Variants in TRMT44 observed in about 807,000 individuals in gnomAD.
TRMT44 encodes the protein tRNA methyltransferase 44 homolog, also known as probable tRNA (uracil-O(2)-)-methyltransferase.
Under a neutral mutation model 77.3 loss-of-function variants are expected in TRMT44, and 78 were observed. That is an observed-to-expected ratio of 1.01 (90% CI 0.84 to 1.22). The LOEUF is 1.22. Ranked by LOEUF, TRMT44 falls within the 50% of genes most tolerant of loss-of-function variation. TRMT44 has a pLI of 0.00. For missense variants in TRMT44, 1,090 were observed against 964.4 expected, an observed-to-expected ratio of 1.13 and a Z score of -1.73; for synonymous variants, 391 against 383.3, an observed-to-expected ratio of 1.02 and a Z score of -0.23.
intron 6 of TRMT44, among the ~76,000 whole-genome samples, chr4:8,459,959 G>C (rs993653889): frequency 2.6e-5 from 4 of 152,186 alleles, no homozygotes; most frequent in Non-Finnish European, 5.9e-5. Context: ...GCTGGGCCAG[G>C]GTGGGCTACA....
In TRMT44 at chr4:8,465,499, G is replaced by T. The variant is rs552465552; in HGVS notation, c.1432G>T (p.Val478Leu). 7 of 1,614,186 alleles carry T rather than the reference G, an allele frequency of 4.3e-6. No homozygotes were observed. In the South Asian group the frequency reaches 6.6e-5, roughly 15 times the overall value. ...YREYLDFIKE[V>L]GFTCGFHVDE... ...GGAATACCTTGACTTCATTAAAGAA[G>T]TGGGCTTCACCTGTGGGTTTCACGT... The change falls in exon 8 of 11, where the codon GTG becomes TTG. Residue 478 changes from valine to leucine, a missense_variant. By Grantham distance (32) the Val-to-Leu change is conservative (BLOSUM62 1). Transcript: ENST00000389737.
At chr4:8,465,629 C>T in intron 8 of TRMT44, 68 bp downstream of exon 8, 1 of 1,345,946 alleles carries the variant, frequency 7.4e-7, no homozygotes, top group Middle Eastern at 1.9e-4. Flanking sequence ...AGGGCTCTGC[C>T]ACAGAGCCAT....
Position 8,464,871 on chromosome 4 carries a change from A to G in TRMT44, c.1311-507A>G, listed in dbSNP as rs116080504. ...AATTCATCTTTTAATATGAAAAACA[A>G]TATTACACAGCCACAAAGAAAAGGA... On this transcript the variant is annotated intron_variant, in intron 7 of 10. Transcript: ENST00000389737. Among the ~76,000 whole-genome samples, 1,052 of 152,350 alleles carry G rather than the reference A, an allele frequency of 6.9e-3. 15 individuals carry two copies. The highest frequency in any genetic ancestry group is 0.024 in the African/African-American group (1,000 of 41,572).
intron 10 of TRMT44, among the ~76,000 whole-genome samples, 174 bp downstream of exon 10, chr4:8,471,374 C>T (rs1483402546): frequency 6.6e-6 from 1 of 152,186 alleles, no homozygotes; most frequent in Non-Finnish European, 1.5e-5. Context: ...CAGGGTGGGA[C>T]GTGGGTCACC....
the TRMT44 span, among the ~76,000 whole-genome samples, chr4:8,499,356 A>G: frequency 6.6e-6 from 1 of 152,112 alleles, no homozygotes; most frequent in Non-Finnish European, 1.5e-5. Flanking sequence ...AGAAAATGCA[A>G]TGCTGCCAAA....
At chr4:8,459,160 C>G (rs1054197267) in intron 6 of TRMT44, among the ~76,000 whole-genome samples, 1 of 152,194 alleles carries the variant, frequency 6.6e-6, no homozygotes, top group Non-Finnish European at 1.5e-5. Flanking sequence ...CAAGATTGTG[C>G]CACTGCACAC....
downstream of TRMT44, chr4:8,478,235 A>T (rs1171654833): frequency 6.6e-6 from 1 of 152,614 alleles, no homozygotes; most frequent in Admixed American, 6.5e-5. Flanking sequence ...GCTCCCCAAC[A>T]CTTGTTACGG....
chr4:8,468,575 A>G lies in TRMT44; in HGVS notation c.1927+229A>G, dbSNP rs926872438. 1.2e-5 allele frequency: 7 copies of G among 597,692 alleles called. No individual in the cohort carries two copies. In the Admixed American group the frequency reaches 2.1e-4, roughly 18 times the overall value. The allele number at this position is 597,692 out of a possible 1,614,324, so 37.0% of individuals were successfully genotyped here. A position where few individuals can be genotyped will look rare whatever the true frequency, so the allele number is the denominator to read the frequency against. On this transcript the variant is annotated intron_variant, in intron 9 of 10. Transcript: ENST00000389737. ...ATTTCCAGGGAGTGACAGAGTTTGG[A>G]CCCTTAATTAACTTTTACCAAACAT...
chr4:8,479,972 C>T (rs1431930011), downstream of TRMT44, among the ~76,000 whole-genome samples: 1 of 152,098 alleles, frequency 6.6e-6, no homozygotes, highest in Non-Finnish European at 1.5e-5. Context: ...GCCTCAGCCT[C>T]CCGGGCTTAA....
Position 8,476,059 on chromosome 4 carries a change from C to T in TRMT44, c.*58C>T, listed in dbSNP as rs1727365625. On this transcript the variant is annotated 3_prime_UTR_variant, in exon 11 of 11. Transcript: ENST00000389737. ...GAGGCCAAACCAAGGAGAGCTTCCC[C>T]AGCAGTCGTCAGTGCTGTGGTCTCT... The T allele has an allele frequency of 3.3e-6, 5 of 1,507,664 alleles. No individual in the cohort carries two copies. Among genetic ancestry groups the T allele is most frequent in the South Asian group, 2.4e-5 (2 of 83,994 alleles). The allele number at this position is 1,507,664 out of a possible 1,614,324, so 93.4% of individuals were successfully genotyped here.
At chr4:8,491,895 C>T (rs546216525) in intron 2 of TRMT44, among the ~76,000 whole-genome samples, 69 of 152,368 alleles carry the variant, frequency 4.5e-4, no homozygotes, top group African/African-American at 1.6e-3. Context: ...TCAAGTGCCG[C>T]CAAAGTGGGA....
At chr4:8,448,661 A>G (rs548264052) in intron 2 of TRMT44, among the ~76,000 whole-genome samples, 194 of 152,356 alleles carry the variant, frequency 1.3e-3, no homozygotes, top group African/African-American at 4.6e-3. Context: ...AGTCCCGAGC[A>G]GGGAGCTGGG....
the TRMT44 span, among the ~76,000 whole-genome samples, chr4:8,499,539 CG>C: frequency 3.2e-5 from 2 of 61,642 alleles, no homozygotes; most frequent in African/African-American, 6.5e-5. Flanking sequence ...GGGGTGAGGT[CG>C]TGTGTGTTGG....
intron 2 of TRMT44, among the ~76,000 whole-genome samples, chr4:8,492,745 C>T (rs1728045991): frequency 2.6e-5 from 4 of 152,246 alleles, no homozygotes. Context: ...TCTCTGCCTG[C>T]CTCCTTTGGA....
downstream of TRMT44, chr4:8,493,637 C>A (rs1468626940): frequency 6.6e-6 from 1 of 152,172 alleles, no homozygotes; most frequent in Admixed American, 6.6e-5. Context: ...GGCATTCACT[C>A]CTCTGTCTGG....
chr4:8,495,153 C>A (rs1189916206), downstream of TRMT44, among the ~76,000 whole-genome samples: 1 of 152,212 alleles, frequency 6.6e-6, no homozygotes, highest in Non-Finnish European at 1.5e-5. Flanking sequence ...GGTAGGGAGA[C>A]TGTTCACACC....
rs567722945 is a variant in TRMT44, at chr4:8,474,502, G to A, written c.2045-1270G>A. Among the ~76,000 whole-genome samples, 36 of 152,358 alleles carry A rather than the reference G, an allele frequency of 2.4e-4. 1 individual carries two copies. The South Asian group carries it at 6.0e-3, about 25-fold the overall frequency. On this transcript the variant is annotated intron_variant, in intron 10 of 10. Transcript: ENST00000389737. ...AGGGTGAGCCCCCAACTGTGGCGCC[G>A]TTCTCTGGGCTCATTTCTCTAGTTT...
rs544897859 is a variant in TRMT44, at chr4:8,487,631, C to T, written n.3892-5635C>T. On this transcript the variant is annotated intron_variant and non_coding_transcript_variant, in intron 2 of 2. Coordinates refer to the TRMT44 transcript ENST00000511366. ...GGGGTACAGAGATAAGAGGTCGGGG[C>T]GTGGAAATAAGGGATTGGGGGTTCT... is the stretch of plus-strand genomic sequence containing the variant. Among the ~76,000 whole-genome samples, 346 of 150,342 alleles carry T rather than the reference C, an allele frequency of 2.3e-3. 5 individuals are homozygous for T. The highest frequency in any genetic ancestry group is 3.5e-3 in the Middle Eastern group (1 of 286).
the TRMT44 span, among the ~76,000 whole-genome samples, chr4:8,505,000 G>T: frequency 6.6e-6 from 1 of 151,948 alleles, no homozygotes; most frequent in Non-Finnish European, 1.5e-5. This position sits in a 1 kb window ranked among gnomAD's most constrained non-coding sequence, Gnocchi z 5.3. Flanking sequence ...CCTGCATGCT[G>T]CCCCCAGCCG....
Sources: allele counts gnomAD v4.1 joint callset (sites outside exome capture counted in the v4.1 genomes callset), GRCh38; gene constraint gnomAD v4.1.1; non-coding constraint Gnocchi (gnomAD v3.1); transcripts MANE v1.5; gene names NCBI Gene and HGNC (gene_info 2026-07-23, HGNC 2026-07-21).